The following NPAS3 variants were observed in gnomAD, a reference collection of about 807,000 sequenced individuals.
The protein encoded by NPAS3 is neuronal PAS domain protein 3.
Under a neutral mutation model 73.1 loss-of-function variants are expected in NPAS3, and 14 were observed. The ratio of observed to expected loss-of-function variants is 0.19; its 90% CI spans 0.13 to 0.30. NPAS3 has a LOEUF of 0.30. Ranked by LOEUF, NPAS3 falls within the 10% of genes least tolerant of loss-of-function variation. The probability of loss-of-function intolerance (pLI) is 1.00; values close to 1 mark genes in which losing one functional copy is unlikely to be tolerated. For missense variants in NPAS3, 1,096 were observed against 1,250.0 expected, an observed-to-expected ratio of 0.88 and a Z score of 1.86; for synonymous variants, 620 against 541.5, an observed-to-expected ratio of 1.14 and a Z score of -2.01.
intron 4 of NPAS3, among the ~76,000 whole-genome samples, chr14:33,485,797 C>T (rs187235946): frequency 5.9e-5 from 9 of 152,206 alleles, no homozygotes; most frequent in Non-Finnish European, 8.8e-5. Flanking sequence ...TCTCTCCCCA[C>T]GTTAGAACTT....
intron 3 of NPAS3, among the ~76,000 whole-genome samples, chr14:33,251,844 C>A (rs771088095): frequency 6.6e-5 from 10 of 152,012 alleles, no homozygotes; most frequent in Non-Finnish European, 1.3e-4. Context: ...CTTTAGCTTG[C>A]ATTCTAAATT....
intron 4 of NPAS3, among the ~76,000 whole-genome samples, chr14:33,498,929 A>AGT (rs2052361653): frequency 1.0e-5 from 1 of 100,212 alleles, no homozygotes; most frequent in African/African-American, 4.8e-5. Flanking sequence ...AGAGAGACAG[A>AGT]GAGAGAGTGT....
chr14:33,087,981 T>C (rs201492813), intron 2 of NPAS3, among the ~76,000 whole-genome samples: 1 of 151,848 alleles, frequency 6.6e-6, no homozygotes, highest in African/African-American at 2.4e-5. Context: ...GAGGGGGGAG[T>C]CTAGATTGTA....
chr14:33,141,405 G>T (rs2044038293), intron 2 of NPAS3, among the ~76,000 whole-genome samples: 1 of 152,094 alleles, frequency 6.6e-6, no homozygotes, highest in Non-Finnish European at 1.5e-5. Flanking sequence ...TTTATTTAAT[G>T]ACTTCCTCCA....
chr14:33,013,603 A>G (rs2039289608), intron 1 of NPAS3, among the ~76,000 whole-genome samples: 1 of 152,076 alleles, frequency 6.6e-6, no homozygotes, highest in Non-Finnish European at 1.5e-5. Flanking sequence ...ACATCTATAC[A>G]TTTAAAATAT....
At chr14:33,554,748 T>C (rs2055278206) in intron 4 of NPAS3, among the ~76,000 whole-genome samples, 1 of 152,176 alleles carries the variant, frequency 6.6e-6, no homozygotes, top group Non-Finnish European at 1.5e-5. Flanking sequence ...GATGTCACTC[T>C]GTGAAATTTG....
intron 4 of NPAS3, among the ~76,000 whole-genome samples, chr14:33,373,825 G>A (rs1433668999): frequency 1.3e-5 from 2 of 152,114 alleles, no homozygotes; most frequent in Admixed American, 1.3e-4. Flanking sequence ...CATACTCTCT[G>A]AGGGGACTGA....
chr14:33,238,128 T>C (rs1339581497), intron 3 of NPAS3, among the ~76,000 whole-genome samples: 1 of 151,980 alleles, frequency 6.6e-6, no homozygotes, highest in Admixed American at 6.6e-5. Context: ...CCTTTGTTCA[T>C]GCTCAGTTTG....
intron 2 of NPAS3, among the ~76,000 whole-genome samples, chr14:33,066,294 G>T (rs1428167180): frequency 6.6e-6 from 1 of 152,110 alleles, no homozygotes; most frequent in Non-Finnish European, 1.5e-5. Flanking sequence ...CGGAGATGAG[G>T]ATGGAAGGTC....
chr14:33,626,185 T>A (rs967447740), intron 5 of NPAS3, among the ~76,000 whole-genome samples: 4 of 152,162 alleles, frequency 2.6e-5, no homozygotes, highest in African/African-American at 4.8e-5. Flanking sequence ...GGAGAGGGAA[T>A]GAAAATGAAT....
chr14:33,104,670 T>G (rs1250572027), intron 2 of NPAS3, among the ~76,000 whole-genome samples: 7 of 152,332 alleles, frequency 4.6e-5, no homozygotes, highest in Non-Finnish European at 8.8e-5. Context: ...AGATTTTGTT[T>G]CTGAGAGGAA....
intron 2 of NPAS3, among the ~76,000 whole-genome samples, chr14:33,203,059 C>A (rs2139600750): frequency 6.6e-6 from 1 of 152,336 alleles, no homozygotes; most frequent in Non-Finnish European, 1.5e-5. Flanking sequence ...TTACACATTA[C>A]ACTGTTTAAT....
intron 2 of NPAS3, among the ~76,000 whole-genome samples, chr14:33,067,440 T>C (rs904442902): frequency 1.3e-5 from 2 of 152,256 alleles, no homozygotes; most frequent in Non-Finnish European, 1.5e-5. Context: ...GGTTATCACA[T>C]AGAAATGGAT....
At chr14:33,765,425 G>C (rs961975977) in intron 7 of NPAS3, among the ~76,000 whole-genome samples, 2 of 152,098 alleles carry the variant, frequency 1.3e-5, no homozygotes, top group Non-Finnish European at 2.9e-5. Context: ...GGGCCGGCTG[G>C]GCTAGGGGGA....
At chr14:33,478,169 C>G (rs1193026954) in intron 4 of NPAS3, among the ~76,000 whole-genome samples, 1 of 152,112 alleles carries the variant, frequency 6.6e-6, no homozygotes, top group South Asian at 2.1e-4. Flanking sequence ...GGCAGTGTTA[C>G]GGTGAACTGG....
intron 2 of NPAS3, among the ~76,000 whole-genome samples, chr14:33,125,234 A>C (rs530181378): frequency 7.2e-5 from 11 of 152,182 alleles, no homozygotes; most frequent in Admixed American, 1.3e-4. Context: ...TAAGTTTATT[A>C]ATAATTTTTA....
chr14:32,986,032 C>T (rs1057503397), intron 1 of NPAS3, among the ~76,000 whole-genome samples: 2 of 152,156 alleles, frequency 1.3e-5, no homozygotes, highest in Non-Finnish European at 2.9e-5. Context: ...TCCACATGGG[C>T]GCCGCTGTGA....
At chr14:33,270,913 G>A (rs2041045935) in intron 3 of NPAS3, among the ~76,000 whole-genome samples, 1 of 152,120 alleles carries the variant, frequency 6.6e-6, no homozygotes, top group East Asian at 1.9e-4. Flanking sequence ...TAAGTATAGG[G>A]CTGAAAGGAA....
intron 5 of NPAS3, among the ~76,000 whole-genome samples, chr14:33,646,940 G>T (rs1431747152): frequency 6.6e-6 from 1 of 152,128 alleles, no homozygotes; most frequent in African/African-American, 2.4e-5. Flanking sequence ...TATTGTTCAT[G>T]TGCCTACATT....
Sources: gnomAD v4.1 joint callset for allele counts (sites outside exome capture counted in the v4.1 genomes callset) on GRCh38, gnomAD v4.1.1 for gene constraint, MANE v1.5 for transcripts, NCBI Gene and HGNC (gene_info 2026-07-23, HGNC 2026-07-21) for gene names.